Variants in CHMP3 observed in about 807,000 individuals in gnomAD.
CHMP3 encodes charged multivesicular body protein 3.
In CHMP3, 8 loss-of-function variants were observed where a neutral mutation model predicts 27.4. That is an observed-to-expected ratio of 0.29 (90% CI 0.17 to 0.53). CHMP3 has a LOEUF of 0.53. CHMP3 is among the 20% of genes least tolerant of loss of function. CHMP3 has a pLI of 0.96. For synonymous variants in CHMP3, 86 were observed against 85.5 expected, an observed-to-expected ratio of 1.01 and a Z score of -0.03; for missense variants, 208 against 271.5, an observed-to-expected ratio of 0.77 and a Z score of 1.64.
chr2:86,516,566 AACCT>A (rs1443724007), intron 3 of CHMP3, among the ~76,000 whole-genome samples: 1 of 152,248 alleles, frequency 6.6e-6, no homozygotes, highest in Non-Finnish European at 1.5e-5. Context: ...TGGGAATTTA[AACCT>A]GTACACTTTT....
intron 1 of CHMP3, among the ~76,000 whole-genome samples, chr2:86,543,118 G>A (rs1421555045): frequency 6.6e-6 from 1 of 152,152 alleles, no homozygotes; most frequent in Non-Finnish European, 1.5e-5. Flanking sequence ...CAGCACTTGA[G>A]TCTGATAAAT....
intron 5 of CHMP3, chr2:86,507,103 G>A (rs112353190): frequency 2.4e-4 from 38 of 155,974 alleles, no homozygotes; most frequent in African/African-American, 8.7e-4. Flanking sequence ...GGGCTCAAGC[G>A]ATCCCCCACC....
intron 1 of CHMP3, among the ~76,000 whole-genome samples, chr2:86,562,402 T>G (rs61465748): frequency 0.22 from 32,963 of 152,066 alleles, 5,029 homozygotes; most frequent in African/African-American, 0.43. Flanking sequence ...TCTGGAGTGG[T>G]GTCCGAGATT....
intron 3 of CHMP3, among the ~76,000 whole-genome samples, chr2:86,517,857 C>T (rs1345639739): frequency 6.6e-6 from 1 of 151,754 alleles, no homozygotes; most frequent in Non-Finnish European, 1.5e-5. Flanking sequence ...GGTGAAACCC[C>T]ATCTCTACAA....
intron 3 of CHMP3, among the ~76,000 whole-genome samples, chr2:86,514,453 A>G (rs1675219596): frequency 6.6e-6 from 1 of 152,234 alleles, no homozygotes; most frequent in African/African-American, 2.4e-5. Flanking sequence ...TTTAAAGTAT[A>G]AAACTATCCT....
chr2:86,547,319 T>C (rs191160939), intron 1 of CHMP3, among the ~76,000 whole-genome samples: 4 of 152,240 alleles, frequency 2.6e-5, no homozygotes, highest in East Asian at 1.9e-4. Flanking sequence ...ATAACACTTA[T>C]GTAACAATCT....
Position 86,504,308 on chromosome 2 carries a change from G to A in CHMP3, c.*1496C>T, listed in dbSNP as rs1299634821. 6.6e-6 allele frequency: 1 copy of A among 152,098 alleles called. No homozygotes were observed. The highest frequency in any genetic ancestry group is 1.9e-4 in the East Asian group (1 of 5,194). The allele number at this position is 152,098 out of a possible 1,614,324, so 9.4% of individuals were successfully genotyped here. On this transcript the variant is annotated 3_prime_UTR_variant, in exon 6 of 6. Transcript: ENST00000263856. ...TGATTGTAACAAATGTACCACTCTG[G>A]TGTGGGATACTGATAGTGGTGGGAG...
At chr2:86,553,622 G>C (rs958758103) in intron 1 of CHMP3, among the ~76,000 whole-genome samples, 7 of 152,074 alleles carry the variant, frequency 4.6e-5, no homozygotes, top group African/African-American at 1.7e-4. Context: ...GAGCCACCGC[G>C]CCCGACCCCA....
intron 3 of CHMP3, among the ~76,000 whole-genome samples, chr2:86,520,507 C>T (rs1675481721): frequency 6.6e-6 from 1 of 152,170 alleles, no homozygotes; most frequent in Admixed American, 6.5e-5. Context: ...CCAATCACCT[C>T]CCACCAGGAC....
At chr2:86,510,705 ATGACCAATCTGGAGAGTGGCC>A in intron 3 of CHMP3, 1 of 507,710 alleles carries the variant, frequency 2.0e-6, no homozygotes, top group East Asian at 4.1e-5. Context: ...TGCACACCAC[ATGACCAATCTGGAGAGTGGCC>A]TGAAGCCACT....
chr2:86,544,853 C>T (rs1676503403), intron 1 of CHMP3, among the ~76,000 whole-genome samples: 1 of 152,252 alleles, frequency 6.6e-6, no homozygotes, highest in African/African-American at 2.4e-5. Context: ...GTTGCTGTCT[C>T]TTCGGAGCTG....
intron 1 of CHMP3, among the ~76,000 whole-genome samples, chr2:86,544,495 T>C (rs1248688967): frequency 6.6e-6 from 1 of 152,050 alleles, no homozygotes; most frequent in African/African-American, 2.4e-5. Context: ...CCTGAGGCCT[T>C]CCGCAGTGTT....
chr2:86,524,533 T>G (rs1297664087), intron 3 of CHMP3, among the ~76,000 whole-genome samples: 1 of 152,228 alleles, frequency 6.6e-6, no homozygotes, highest in Non-Finnish European at 1.5e-5. Flanking sequence ...GCATTTGCAT[T>G]GTATTAGGTA....
In CHMP3 at chr2:86,504,868, G is replaced by C. The variant is rs1476232413; in HGVS notation, c.*936C>G. On this transcript the variant is annotated 3_prime_UTR_variant, in exon 6 of 6. Transcript: ENST00000263856. ...ATTTGTAAAGACTAAGATCGCGTAT[G>C]TCAAAGAGCTCTGTAAACTCTCAAC... 1 of 152,172 alleles carries C rather than the reference G, an allele frequency of 6.6e-6. No individual in the cohort carries two copies. The highest frequency in any genetic ancestry group is 2.4e-5 in the African/African-American group (1 of 41,426). The allele number at this position is 152,172 out of a possible 1,614,324, so 9.4% of individuals were successfully genotyped here.
At chr2:86,557,068 T>C (rs1405365830) in intron 1 of CHMP3, among the ~76,000 whole-genome samples, 7 of 152,142 alleles carry the variant, frequency 4.6e-5, no homozygotes. Context: ...AAGAGAAAAA[T>C]ATTCTTCCAG....
At chr2:86,558,133 A>C (rs1037099361) in intron 1 of CHMP3, among the ~76,000 whole-genome samples, 4 of 152,210 alleles carry the variant, frequency 2.6e-5, no homozygotes, top group Non-Finnish European at 5.9e-5. Flanking sequence ...CCTAAGTAAG[A>C]CAGAACAATT....
intron 2 of CHMP3, among the ~76,000 whole-genome samples, chr2:86,536,829 A>G (rs1373681844): frequency 1.3e-5 from 2 of 152,038 alleles, no homozygotes; most frequent in African/African-American, 4.8e-5. Flanking sequence ...TAAAGTTTCC[A>G]CAATGCATGT....
At position 86,504,088 on chromosome 2, in the gene CHMP3, C is replaced by T. The variant is rs1021433000; in HGVS notation, c.*1716G>A. 4 of 151,842 alleles carry T rather than the reference C, an allele frequency of 2.6e-5. No individual in the cohort carries two copies. The highest frequency in any genetic ancestry group is 9.7e-5 in the African/African-American group (4 of 41,308). 9.4% of individuals were successfully genotyped at this position (151,842 alleles called of 1,614,324 possible). A position where few individuals can be genotyped will look rare whatever the true frequency, so the allele number is the denominator to read the frequency against. Reference sequence around the variant, plus strand: ...CCTAATTTTTTTTTTAAAGTGGTTGCCAGGGGATTAGGGAAGAAAGGGATG... The same window carrying T: ...CCTAATTTTTTTTTTAAAGTGGTTGTCAGGGGATTAGGGAAGAAAGGGATG... On this transcript the variant is annotated 3_prime_UTR_variant, in exon 6 of 6. Coordinates refer to ENST00000263856, the MANE Select transcript of CHMP3 (RefSeq NM_016079.4).
At chr2:86,561,404 C>T (rs1008987427) in intron 1 of CHMP3, among the ~76,000 whole-genome samples, 1 of 152,150 alleles carries the variant, frequency 6.6e-6, no homozygotes, top group Non-Finnish European at 1.5e-5. Context: ...TCTTAATTCA[C>T]TCTACAATCT....
Sources: gnomAD v4.1 joint callset for allele counts (sites outside exome capture counted in the v4.1 genomes callset) on GRCh38, gnomAD v4.1.1 for gene constraint, MANE v1.5 for transcripts, NCBI Gene and HGNC (gene_info 2026-07-23, HGNC 2026-07-21) for gene names.